The following MYO3B variants were observed in gnomAD, a reference collection of about 807,000 sequenced individuals.
The protein encoded by MYO3B is myosin-IIIb.
A neutral mutation model predicts 174.6 loss-of-function variants in MYO3B; 156 were observed. The ratio of observed to expected loss-of-function variants is 0.89; its 90% CI spans 0.78 to 1.02. The LOEUF (loss-of-function observed/expected upper bound fraction) is 1.02. Among genes scored for constraint, MYO3B ranks in the 50% least tolerant of loss-of-function variants. MYO3B has a pLI of 0.00. For missense variants in MYO3B, 1,632 were observed against 1,639.4 expected (o/e 1.00, Z 0.08); for synonymous variants, 563 against 569.1 (o/e 0.99, Z 0.15).
chr2:170,623,148 A>G (rs2105341884), intron 32 of MYO3B, among the ~76,000 whole-genome samples: 1 of 152,306 alleles, frequency 6.6e-6, no homozygotes, highest in South Asian at 2.1e-4. Context: ...GAATCGCCAC[A>G]CTGTCTTCCA....
intron 24 of MYO3B, among the ~76,000 whole-genome samples, chr2:170,463,660 C>T (rs1684444441): frequency 6.6e-6 from 1 of 152,200 alleles, no homozygotes. Flanking sequence ...TGAGCTGCTT[C>T]TTGGTCTTAA....
At chr2:170,240,842 C>T (rs145044160) in intron 7 of MYO3B, among the ~76,000 whole-genome samples, 28 of 152,290 alleles carry the variant, frequency 1.8e-4, no homozygotes, top group African/African-American at 6.7e-4. Context: ...TGATTTATGA[C>T]CCGCAAACCA....
At chr2:170,484,964 T>C (rs1685938509) in intron 25 of MYO3B, among the ~76,000 whole-genome samples, 1 of 152,186 alleles carries the variant, frequency 6.6e-6, no homozygotes, top group Non-Finnish European at 1.5e-5. Flanking sequence ...AAATTATTTA[T>C]ATGGATTGAA....
chr2:170,258,598 C>T (rs975456822), intron 7 of MYO3B, among the ~76,000 whole-genome samples: 2 of 152,062 alleles, frequency 1.3e-5, no homozygotes, highest in Non-Finnish European at 2.9e-5. Flanking sequence ...CCACAGCCAA[C>T]ATGATACTGA....
intron 30 of MYO3B, among the ~76,000 whole-genome samples, chr2:170,530,577 T>C (rs1341015770): frequency 1.3e-5 from 2 of 152,238 alleles, no homozygotes; most frequent in African/African-American, 2.4e-5. Context: ...TCAGGCTAGC[T>C]GTTAACTACC....
chr2:170,586,955 A>G (rs1693529070), intron 32 of MYO3B, among the ~76,000 whole-genome samples: 2 of 152,214 alleles, frequency 1.3e-5, no homozygotes, highest in Non-Finnish European at 2.9e-5. Context: ...ACTCAACTAA[A>G]AGCTTTGGAA....
chr2:170,549,380 C>T (rs1690737978), intron 32 of MYO3B, among the ~76,000 whole-genome samples: 1 of 152,146 alleles, frequency 6.6e-6, no homozygotes, highest in South Asian at 2.1e-4. Flanking sequence ...GTAGTAGAGC[C>T]ACCAGAGAGC....
intron 28 of MYO3B, among the ~76,000 whole-genome samples, chr2:170,508,204 T>C (rs966712592): frequency 6.6e-6 from 1 of 152,236 alleles, no homozygotes; most frequent in African/African-American, 2.4e-5. Context: ...TTCTCCATTA[T>C]GAACCTTGTT....
chr2:170,551,538 CAAAAAAAAAAAAAAA>C (rs3072763), intron 32 of MYO3B, among the ~76,000 whole-genome samples: 4 of 56,202 alleles, frequency 7.1e-5, no homozygotes, highest in African/African-American at 1.3e-4. Context: ...TGACTTTTTG[CAAAAAAAAAAAAAAA>C]AAAAAAAAAA....
intron 22 of MYO3B, among the ~76,000 whole-genome samples, chr2:170,411,337 C>A (rs2094544765): frequency 6.6e-6 from 1 of 152,114 alleles, no homozygotes; most frequent in South Asian, 2.1e-4. Flanking sequence ...CTTACACAAA[C>A]CTAAATGATA....
intron 25 of MYO3B, among the ~76,000 whole-genome samples, chr2:170,492,245 A>G (rs992551095): frequency 6.6e-6 from 1 of 152,178 alleles, no homozygotes; most frequent in Non-Finnish European, 1.5e-5. Context: ...TGTTCCTTCT[A>G]ATCCTCTCAG....
rs1172827480 is a variant in MYO3B, at chr2:170,199,384, C to A, written c.179C>A (p.Pro60Gln). Residue 60 changes from proline to glutamine, a missense_variant, in exon 2 of 35, where the codon CCA becomes CAA. Coordinates refer to ENST00000408978, the MANE Select transcript of MYO3B (RefSeq NM_138995.5). The part of the protein sequence containing the change: ...GSLAAVKILD[P>Q]VSDMDEEIEA... ...CTGGCTGCAGTGAAAATTCTGGATC[C>A]AGTCAGTGTAAGTAACAGTTGTAAA... 2.5e-6 allele frequency: 4 copies of A among 1,608,126 alleles called. No individual in the cohort carries two copies. In the Admixed American group the frequency reaches 6.8e-5, roughly 27 times the overall value.
intron 32 of MYO3B, among the ~76,000 whole-genome samples, chr2:170,634,942 C>T (rs374777121): frequency 1.3e-5 from 2 of 152,144 alleles, no homozygotes; most frequent in African/African-American, 2.4e-5. Flanking sequence ...GTTAGAATGG[C>T]GATAATTAAA....
intron 7 of MYO3B, among the ~76,000 whole-genome samples, chr2:170,250,478 G>A (rs767764578): frequency 3.3e-5 from 5 of 152,294 alleles, no homozygotes; most frequent in Admixed American, 1.3e-4. Context: ...TTTTCTGTCC[G>A]GTTGCTGCTG....
intron 9 of MYO3B, among the ~76,000 whole-genome samples, chr2:170,372,118 C>CAAAAAAAAAAAAAAAAA (rs769243145): frequency 1.8e-4 from 4 of 22,210 alleles, no homozygotes; most frequent in African/African-American, 2.5e-4. Flanking sequence ...GACCCTGTCT[C>CAAAAAAAAAAAAAAAAA]AAAAAAAAAA....
intron 9 of MYO3B, among the ~76,000 whole-genome samples, chr2:170,376,341 C>T (rs1175787974): frequency 6.6e-6 from 1 of 152,078 alleles, no homozygotes; most frequent in Non-Finnish European, 1.5e-5. Flanking sequence ...AAATAAAAGT[C>T]CCTCTTTCAT....
At chr2:170,347,721 A>C (rs1403117678) in intron 8 of MYO3B, among the ~76,000 whole-genome samples, 1 of 152,218 alleles carries the variant, frequency 6.6e-6, no homozygotes, top group Non-Finnish European at 1.5e-5. Flanking sequence ...ATGATGCTAG[A>C]GTGTGCATGC....
At chr2:170,577,616 C>T (rs1206413420) in intron 32 of MYO3B, among the ~76,000 whole-genome samples, 1 of 152,168 alleles carries the variant, frequency 6.6e-6, no homozygotes, top group Non-Finnish European at 1.5e-5. Context: ...AATATGAATT[C>T]CTCAGGGGAG....
intron 7 of MYO3B, among the ~76,000 whole-genome samples, chr2:170,271,307 A>G (rs2093423611): frequency 6.6e-6 from 1 of 152,190 alleles, no homozygotes; most frequent in South Asian, 2.1e-4. Context: ...AATAATACAC[A>G]CATTTCCTTC....
Sources: allele counts gnomAD v4.1 joint callset (sites outside exome capture counted in the v4.1 genomes callset), GRCh38; gene constraint gnomAD v4.1.1; transcripts MANE v1.5; gene names NCBI Gene and HGNC (gene_info 2026-07-23, HGNC 2026-07-21).